HEATR5B: variants seen among roughly 807,000 people sequenced by gnomAD.
HEATR5B encodes HEAT repeat-containing protein 5B.
Under a neutral mutation model 224.1 loss-of-function variants are expected in HEATR5B, and 156 were observed. That is an observed-to-expected ratio of 0.70 (90% CI 0.61 to 0.80). The LOEUF is 0.80. HEATR5B is among the 30% of genes least tolerant of loss of function. The probability of loss-of-function intolerance (pLI) is 0.00; values close to 1 mark genes in which losing one functional copy is unlikely to be tolerated. For synonymous variants in HEATR5B, 1,027 were observed against 893.0 expected (o/e 1.15, Z -2.68); for missense variants, 2,323 against 2,535.5 (o/e 0.92, Z 1.80).
intron 21 of HEATR5B, among the ~76,000 whole-genome samples, chr2:37,032,977 T>G (rs1049248639): frequency 8.6e-5 from 13 of 151,980 alleles, no homozygotes; most frequent in African/African-American, 3.1e-4. Flanking sequence ...GCCTTCTGGT[T>G]TCAAGCGATT....
In HEATR5B at chr2:37,015,714, T is replaced by C. The variant is rs530311043; in HGVS notation, c.4105-1694A>G. Among the ~76,000 whole-genome samples, 5 of 152,256 alleles carry C rather than the reference T, an allele frequency of 3.3e-5. No homozygotes were observed. In the East Asian group the frequency reaches 9.6e-4, roughly 29 times the overall value. On this transcript the variant is annotated intron_variant, in intron 26 of 35. Transcript: ENST00000233099. ...ACAGCGTGATTTTAATTTTGAACAT[T>C]TTTACATGCTGCATTCAAAGTGCCA...
intron 34 of HEATR5B, among the ~76,000 whole-genome samples, chr2:36,989,886 C>T (rs1275635060): frequency 2.0e-5 from 3 of 146,394 alleles, no homozygotes; most frequent in Non-Finnish European, 4.5e-5. Context: ...GTACTGGAAT[C>T]CAAGAATGTT....
intron 33 of HEATR5B, among the ~76,000 whole-genome samples, chr2:36,998,970 T>C (rs964173096): frequency 1.3e-5 from 2 of 152,082 alleles, no homozygotes; most frequent in Non-Finnish European, 2.9e-5. Context: ...ATCCCAGCAC[T>C]TTGGGAGGCC....
chr2:37,023,015 T>A (rs1468852068), intron 24 of HEATR5B, among the ~76,000 whole-genome samples: 2 of 151,988 alleles, frequency 1.3e-5, no homozygotes, highest in Admixed American at 1.3e-4. Context: ...ATGAAAAAGA[T>A]AAGATAATTA....
intron 18 of HEATR5B, 108 bp downstream of exon 18, chr2:37,049,545 T>C (rs976437093): frequency 1.0e-6 from 1 of 957,048 alleles, no homozygotes; most frequent in African/African-American, 1.7e-5. Context: ...ACCCACAAAA[T>C]ATTATCACAT....
chr2:37,070,943 C>A (rs1053217143), intron 6 of HEATR5B, among the ~76,000 whole-genome samples: 2 of 152,088 alleles, frequency 1.3e-5, no homozygotes, highest in Non-Finnish European at 2.9e-5. Flanking sequence ...TTTGGCTGCC[C>A]GGAATTTGAA....
intron 22 of HEATR5B, among the ~76,000 whole-genome samples, chr2:37,030,782 T>G (rs1572846159): frequency 6.6e-6 from 1 of 152,220 alleles, no homozygotes; most frequent in Admixed American, 6.5e-5. Context: ...TTATAAAATG[T>G]GCTCTAGTGG....
At position 37,005,778 on chromosome 2, in the gene HEATR5B, A is replaced by G. The variant is rs762062050; in HGVS notation, c.4778-19T>C. ...CTCACACCTGAAATGCACAAAATAA[A>G]AACATGTTTTTTCACTTATAAAACA... On this transcript the variant is annotated intron_variant, in intron 29 of 35. Coordinates refer to ENST00000233099, the MANE Select transcript of HEATR5B (RefSeq NM_019024.3). The G allele has an allele frequency of 1.9e-6, 3 of 1,547,480 alleles. No homozygotes were observed. The highest frequency in any genetic ancestry group is 2.4e-5 in the South Asian group (2 of 82,042).
intron 18 of HEATR5B, among the ~76,000 whole-genome samples, chr2:37,047,688 T>G (rs1670289155): frequency 6.6e-6 from 1 of 152,218 alleles, no homozygotes; most frequent in Admixed American, 6.5e-5. Context: ...AATTTCTGTC[T>G]TAATGCTAAG....
intron 34 of HEATR5B, among the ~76,000 whole-genome samples, chr2:36,989,718 G>T (rs1666192581): frequency 6.6e-6 from 1 of 152,064 alleles, no homozygotes; most frequent in Admixed American, 6.6e-5. Flanking sequence ...AGGGAGGGAA[G>T]TCCCACCAAT....
At chr2:37,073,899 T>A (rs1425287730) in intron 5 of HEATR5B, among the ~76,000 whole-genome samples, 1 of 152,166 alleles carries the variant, frequency 6.6e-6, no homozygotes, top group Non-Finnish European at 1.5e-5. Flanking sequence ...GTTGTTGGCA[T>A]CAAGATAGAC....
chr2:36,983,220 T>A (rs951531715), intron 35 of HEATR5B, among the ~76,000 whole-genome samples: 2 of 152,096 alleles, frequency 1.3e-5, no homozygotes, highest in African/African-American at 4.8e-5. Context: ...TCAATTTCCC[T>A]CATGTACAAT....
chr2:37,081,672 G>T (rs953397097), intron 2 of HEATR5B, among the ~76,000 whole-genome samples: 1 of 152,154 alleles, frequency 6.6e-6, no homozygotes, highest in Non-Finnish European at 1.5e-5. Flanking sequence ...GAAGCAGACT[G>T]AAAGTTTATT....
At chr2:36,990,425 T>A (rs1023980608) in intron 34 of HEATR5B, among the ~76,000 whole-genome samples, 11 of 152,178 alleles carry the variant, frequency 7.2e-5, no homozygotes, top group African/African-American at 2.7e-4. Context: ...TGCCCTGGGG[T>A]TAATCAAATA....
At chr2:37,076,821 C>A (rs1420743810) in intron 4 of HEATR5B, 90 bp downstream of exon 4, 1 of 939,210 alleles carries the variant, frequency 1.1e-6, no homozygotes, top group African/African-American at 1.7e-5. Flanking sequence ...TATGAGACCA[C>A]AGTGACAGAA....
intron 17 of HEATR5B, among the ~76,000 whole-genome samples, chr2:37,052,659 T>C (rs927595997): frequency 6.6e-6 from 1 of 152,218 alleles, no homozygotes; most frequent in Non-Finnish European, 1.5e-5. Flanking sequence ...ATCACTACTT[T>C]TGCACTTTGG....
intron 27 of HEATR5B, 99 bp from the exon 28 acceptor site, chr2:37,008,947 C>G: frequency 1.2e-6 from 1 of 845,706 alleles, no homozygotes; most frequent in East Asian, 2.5e-5. Context: ...TCAAAGATAA[C>G]TGGGTATAGA....
At position 37,051,050 on chromosome 2, in the gene HEATR5B, AAAAT is replaced by A. The variant is rs1013704425; in HGVS notation, c.2506-1211_2506-1208del. 2.2e-4 allele frequency among the ~76,000 whole-genome samples: 34 copies of A among 151,424 alleles called. No individual in the cohort carries two copies. The East Asian group carries it at 3.9e-3, about 17-fold the overall frequency. ...ACAGAGTGAGACTCCGTCTCCAAAA[AAAAT>A]AAATAAACTAACAAATGAGGTGGCC... On this transcript the variant is annotated intron_variant, in intron 17 of 35. Transcript: ENST00000233099.
intron 18 of HEATR5B, 100 bp from the exon 19 acceptor site, chr2:37,041,392 A>C (rs1572870788): frequency 9.2e-7 from 1 of 1,091,368 alleles, no homozygotes; most frequent in East Asian, 2.5e-5. Flanking sequence ...TGGGGAAATA[A>C]GAAAAGATTA....
Sources: gnomAD v4.1 joint callset for allele counts (sites outside exome capture counted in the v4.1 genomes callset) on GRCh38, gnomAD v4.1.1 for gene constraint, MANE v1.5 for transcripts, NCBI Gene and HGNC (gene_info 2026-07-23, HGNC 2026-07-21) for gene names.